SGCD: variants seen among roughly 807,000 people sequenced by gnomAD.
SGCD encodes sarcoglycan delta.
In SGCD, 18 loss-of-function variants were observed where a neutral mutation model predicts 36.6. The ratio of observed to expected loss-of-function variants is 0.49; its 90% CI spans 0.34 to 0.73. The LOEUF (loss-of-function observed/expected upper bound fraction) is 0.73. Among genes scored for constraint, SGCD ranks in the 30% least tolerant of loss-of-function variants. SGCD has a pLI of 0.01. For missense variants in SGCD, 387 were observed against 346.7 expected (o/e 1.12, Z -0.92); for synonymous variants, 133 against 130.6 (o/e 1.02, Z -0.12).
At chr5:156,278,602 A>AT (rs1766376850) in intron 3 of SGCD, among the ~76,000 whole-genome samples, 2 of 152,212 alleles carry the variant, frequency 1.3e-5, no homozygotes, top group African/African-American at 4.8e-5. Context: ...AGTCACTGTG[A>AT]TTTTAGTGAA....
At chr5:155,902,754 A>G (rs944055266) in intron 1 of SGCD, among the ~76,000 whole-genome samples, 1 of 152,210 alleles carries the variant, frequency 6.6e-6, no homozygotes, top group South Asian at 2.1e-4. Flanking sequence ...TTCAATGAAC[A>G]CTATTGTTCT....
At chr5:155,842,190 T>C in the SGCD span, among the ~76,000 whole-genome samples, 2 of 151,870 alleles carry the variant, frequency 1.3e-5, no homozygotes, top group African/African-American at 2.4e-5. Context: ...TCTGGACTAC[T>C]TGATCATATG....
intron 6 of SGCD, among the ~76,000 whole-genome samples, chr5:156,617,683 C>T (rs1157048260): frequency 6.6e-6 from 1 of 152,096 alleles, no homozygotes; most frequent in Non-Finnish European, 1.5e-5. Flanking sequence ...GTTGGAAGTG[C>T]CCCAAAGCAA....
At chr5:156,695,844 C>T (rs1283346859) in intron 7 of SGCD, among the ~76,000 whole-genome samples, 1 of 152,212 alleles carries the variant, frequency 6.6e-6, no homozygotes, top group Non-Finnish European at 1.5e-5. Flanking sequence ...TATTTATAAA[C>T]ATAGGGGCTA....
intron 7 of SGCD, among the ~76,000 whole-genome samples, chr5:156,708,684 C>A (rs157344): frequency 0.86 from 130,137 of 152,108 alleles, 55,758 homozygotes; most frequent in Admixed American, 0.9. Context: ...CTGCTTATTG[C>A]AGAATTGAGC....
chr5:156,408,358 A>ATT (rs199533412), intron 3 of SGCD, among the ~76,000 whole-genome samples: 10 of 139,006 alleles, frequency 7.2e-5, no homozygotes, highest in African/African-American at 1.3e-4. Context: ...CCCAAGTTGG[A>ATT]TTTTTTTTTT....
chr5:156,416,056 A>G (rs1773012279), intron 3 of SGCD, among the ~76,000 whole-genome samples: 1 of 152,226 alleles, frequency 6.6e-6, no homozygotes, highest in African/African-American at 2.4e-5. Flanking sequence ...GAATTCTCTA[A>G]TAATCATCAC....
At chr5:156,696,660 A>C (rs468494) in intron 7 of SGCD, among the ~76,000 whole-genome samples, 139,295 of 151,722 alleles carry the variant, frequency 0.92, 64,114 homozygotes, top group East Asian at 0.99. Context: ...CAGGCATGTA[A>C]GACCACACCT....
intron 1 of SGCD, among the ~76,000 whole-genome samples, chr5:156,114,164 T>G (rs1021834423): frequency 1.3e-4 from 20 of 152,060 alleles, no homozygotes; most frequent in Non-Finnish European, 4.4e-5. Flanking sequence ...GGGATAATTG[T>G]GTGTCAGTGT....
chr5:156,487,813 A>AAAAAAAAAAAAGAAAG (rs1554107842), intron 3 of SGCD, among the ~76,000 whole-genome samples: 20 of 77,778 alleles, frequency 2.6e-4, no homozygotes, highest in Non-Finnish European at 4.5e-4. Flanking sequence ...AAAAAAAAAA[A>AAAAAAAAAAAAGAAAG]AAAGAAAGAA....
intron 3 of SGCD, among the ~76,000 whole-genome samples, chr5:156,366,644 C>A (rs989545989): frequency 3.9e-5 from 6 of 152,062 alleles, no homozygotes; most frequent in Non-Finnish European, 7.4e-5. Context: ...GAGAGAAATT[C>A]TTGAGGAAGA....
At chr5:156,729,125 C>T (rs1237738856) in intron 7 of SGCD, among the ~76,000 whole-genome samples, 1 of 152,158 alleles carries the variant, frequency 6.6e-6, no homozygotes, top group African/African-American at 2.4e-5. Context: ...ACATTATTAG[C>T]AGAGATATCT....
intron 1 of SGCD, among the ~76,000 whole-genome samples, chr5:155,996,917 ACAGG>A (rs1324354565): frequency 3.1e-4 from 47 of 151,978 alleles, no homozygotes; most frequent in African/African-American, 1.1e-3. Flanking sequence ...AGACAGACAG[ACAGG>A]CAGGCAGACA....
chr5:156,198,177 C>T (rs1422985565), intron 3 of SGCD, among the ~76,000 whole-genome samples: 2 of 151,770 alleles, frequency 1.3e-5, no homozygotes, highest in Non-Finnish European at 2.9e-5. Flanking sequence ...CTATGTATGT[C>T]TAGAAGAAAC....
At chr5:156,758,236 G>A (rs572424502) in intron 8 of SGCD, among the ~76,000 whole-genome samples, 2 of 152,058 alleles carry the variant, frequency 1.3e-5, no homozygotes, top group Non-Finnish European at 2.9e-5. Flanking sequence ...GTCCCAGCTG[G>A]GTGAACAGAA....
intron 6 of SGCD, among the ~76,000 whole-genome samples, chr5:156,629,226 C>A (rs1015783311): frequency 3.9e-5 from 6 of 152,024 alleles, no homozygotes; most frequent in Non-Finnish European, 1.5e-5. Flanking sequence ...TATGCTCATG[C>A]AAAAACAATG....
chr5:156,691,142 G>T (rs1011920384), intron 7 of SGCD, among the ~76,000 whole-genome samples: 3 of 141,152 alleles, frequency 2.1e-5, no homozygotes, highest in Non-Finnish European at 1.5e-5. Flanking sequence ...AGGAAGTGGA[G>T]GTTGCAGTGA....
chr5:156,537,630 C>T (rs560657757), intron 4 of SGCD, among the ~76,000 whole-genome samples: 7 of 152,016 alleles, frequency 4.6e-5, no homozygotes, highest in African/African-American at 1.7e-4. Flanking sequence ...TGGTGCCTTA[C>T]GTTGGAGTTC....
chr5:156,495,168 A>G (rs1345626133), intron 3 of SGCD, among the ~76,000 whole-genome samples: 2 of 152,144 alleles, frequency 1.3e-5, no homozygotes, highest in African/African-American at 4.8e-5. Context: ...AAGTGCAAGC[A>G]AGAGAACAGC....
Sources: gnomAD v4.1 joint callset for allele counts (sites outside exome capture counted in the v4.1 genomes callset) on GRCh38, gnomAD v4.1.1 for gene constraint, MANE v1.5 for transcripts, NCBI Gene and HGNC (gene_info 2026-07-23, HGNC 2026-07-21) for gene names.